ATP7A: variants seen among roughly 807,000 people sequenced by gnomAD.
The protein encoded by ATP7A is copper-transporting ATPase 1.
Under a neutral mutation model 83.5 loss-of-function variants are expected in ATP7A, and 7 were observed. The ratio of observed to expected loss-of-function variants is 0.08; its 90% CI spans 0.05 to 0.16. The LOEUF is 0.16. Among genes scored for constraint, ATP7A ranks in the 10% least tolerant of loss-of-function variants. The pLI, the probability that ATP7A is intolerant of heterozygous loss-of-function variation, is 1.00. For missense variants in ATP7A, 940 were observed against 1,120.8 expected (o/e 0.84, Z 2.30); for synonymous variants, 354 against 395.2 (o/e 0.90, Z 1.24).
rs2077826335 is a variant in ATP7A, at chrX:78,011,595, C to T, written c.2093C>T (p.Ser698Phe). ...SKEEMINLHSSMFLERQILPG... is the reference protein window; with the variant it reads ...SKEEMINLHSFMFLERQILPG... ...GAAGAAATGATCAACCTTCATTCTTCTATGTTCCTGGAGCGCCAGATTCTT... is the reference window on the plus strand; with the variant it reads ...GAAGAAATGATCAACCTTCATTCTTTTATGTTCCTGGAGCGCCAGATTCTT... The change falls in exon 9 of 23, where the codon TCT (serine) becomes TTT (phenylalanine). Residue 698 changes from serine to phenylalanine, a missense_variant. Ser to Phe is a radical substitution (Grantham distance 155, BLOSUM62 -2). Coordinates refer to ENST00000341514, the MANE Select transcript of ATP7A (RefSeq NM_000052.7). 1.7e-6 allele frequency: 2 copies of T among 1,211,320 alleles called. No homozygotes were observed. The highest frequency in any genetic ancestry group is 2.2e-6 in the Non-Finnish European group (2 of 895,390).
At chrX:77,956,797 C>CTTTCTTTCTCTTTCTTTCT (rs2077447467) in intron 1 of ATP7A, among the ~76,000 whole-genome samples, 2 of 82,689 alleles carry the variant, frequency 2.4e-5, no homozygotes, top group East Asian at 7.6e-4. Flanking sequence ...CTCTTTCTTT[C>CTTTCTTTCTCTTTCTTTCT]TTTTTTTTTT....
In ATP7A at chrX:77,989,606, A is replaced by G. The variant is rs2077657952; in HGVS notation, c.984A>G (p.Pro328=). The G allele has an allele frequency of 3.3e-6, 4 of 1,210,160 alleles. No homozygotes were observed. The Admixed American group carries it at 8.8e-5, about 26-fold the overall frequency. The change falls in exon 4 of 23, where the codon CCA becomes CCG. Residue 328 remains proline, a synonymous_variant. Coordinates refer to ENST00000341514, the MANE Select transcript of ATP7A (RefSeq NM_000052.7). ...IVKYNASSVT[P]ESLRKAIEAV... ...AGTATAATGCAAGCTCAGTCACTCCAGAATCCCTGAGAAAAGCAATAGAGG... is the reference window on the plus strand; with the variant it reads ...AGTATAATGCAAGCTCAGTCACTCCGGAATCCCTGAGAAAAGCAATAGAGG...
intron 2 of ATP7A, among the ~76,000 whole-genome samples, chrX:77,984,018 C>T (rs1345497867): frequency 9.0e-6 from 1 of 111,708 alleles, no homozygotes; most frequent in Non-Finnish European, 1.9e-5. Flanking sequence ...AAAATAGTTC[C>T]TCTGAAAATA....
At chrX:78,015,608 A>T (rs1242958980) in intron 11 of ATP7A, 146 bp from the exon 12 acceptor site, 12 of 730,539 alleles carry the variant, frequency 1.6e-5, no homozygotes, top group Non-Finnish European at 2.5e-5. Flanking sequence ...AGACTGACAT[A>T]CTAGTTCCTA....
intron 17 of ATP7A, among the ~76,000 whole-genome samples, chrX:78,038,051 C>G (rs782183000): frequency 2.7e-5 from 2 of 73,156 alleles, no homozygotes; most frequent in African/African-American, 1.2e-4. Flanking sequence ...CAGGAGTGGG[C>G]GGGGAGAATT....
chrX:77,974,658 G>T (rs1557230065), intron 2 of ATP7A: 1 of 289,086 alleles, frequency 3.5e-6, no homozygotes, highest in Non-Finnish European at 6.0e-6. Flanking sequence ...TTTGCTGAGG[G>T]TTTTTTTAAA....
chrX:78,039,129 T>A, intron 18 of ATP7A, 147 bp downstream of exon 18: 1 of 643,655 alleles, frequency 1.6e-6, no homozygotes, highest in Non-Finnish European at 2.3e-6. Context: ...TGATTATTAC[T>A]GATTAATTTA....
intron 2 of ATP7A, among the ~76,000 whole-genome samples, chrX:77,980,833 T>A (rs1603380175): frequency 9.0e-6 from 1 of 111,269 alleles, no homozygotes; most frequent in Non-Finnish European, 1.9e-5. Flanking sequence ...CATGCCTGGC[T>A]AATTTTTGTA....
chrX:77,938,106 C>T (rs1569548947), intron 1 of ATP7A, among the ~76,000 whole-genome samples: 1 of 111,553 alleles, frequency 9.0e-6, no homozygotes, highest in Non-Finnish European at 1.9e-5. Flanking sequence ...ACTAATATGT[C>T]ACATGAAAAG....
intron 5 of ATP7A, among the ~76,000 whole-genome samples, chrX:78,001,208 G>A (rs1202936071): frequency 9.0e-6 from 1 of 110,999 alleles, no homozygotes; most frequent in African/African-American, 3.3e-5. Flanking sequence ...CACCTGAATT[G>A]TTTGATACCA....
chrX:77,968,333 C>T (rs1363743148), intron 1 of ATP7A, among the ~76,000 whole-genome samples: 11 of 112,100 alleles, frequency 9.8e-5, no homozygotes, highest in Non-Finnish European at 1.5e-4. Context: ...GTAAATATAA[C>T]ACATAACGAA....
chrX:77,910,915 T>C (rs1482527980), intron 1 of ATP7A, 80 bp downstream of exon 1: 1 of 111,949 alleles, frequency 8.9e-6, no homozygotes, highest in African/African-American at 3.3e-5. Flanking sequence ...ACGAGTGTGG[T>C]GAGAAGGTCA....
Position 77,956,726 on chromosome X carries a change from C to CCTTCCTTTCTTTCTTT in ATP7A, c.-21-14892_-21-14891insCCTTTCTTTCTTTCTT, listed in dbSNP as rs1557227392. Among the ~76,000 whole-genome samples, 13 of 73,777 alleles carry CCTTCCTTTCTTTCTTT rather than the reference C, an allele frequency of 1.8e-4. No homozygotes were observed. In the South Asian group the frequency reaches 2.3e-3, roughly 13 times the overall value. The allele number at this position is 73,777 out of a possible 115,157, so 64.1% of individuals were successfully genotyped here. ...TTTTTCTTTATCAATTACCCAGTCT[C>CCTTCCTTTCTTTCTTT]CTTTCTTTCTTTCTTTCTTTCTTTC... On this transcript the variant is annotated intron_variant, in intron 1 of 22. Coordinates refer to ENST00000341514, the MANE Select transcript of ATP7A (RefSeq NM_000052.7).
intron 14 of ATP7A, among the ~76,000 whole-genome samples, chrX:78,025,889 T>G (rs1345999267): frequency 9.1e-6 from 1 of 110,018 alleles, no homozygotes; most frequent in Non-Finnish European, 1.9e-5. Context: ...AAGCAAACAG[T>G]AAGGAAATTC....
chrX:77,993,584 C>G (rs782325043), intron 4 of ATP7A, among the ~76,000 whole-genome samples: 1 of 111,524 alleles, frequency 9.0e-6, no homozygotes, highest in African/African-American at 3.3e-5. Context: ...AACAACATTT[C>G]GATCAACAAT....
At chrX:78,011,420 T>C (rs1159876938) in intron 8 of ATP7A, 29 bp from the exon 9 acceptor site, 1 of 1,172,502 alleles carries the variant, frequency 8.5e-7, no homozygotes. Flanking sequence ...ATGACCATGA[T>C]TTTTCTTTTT....
chrX:77,988,693 G>A lies in ATP7A; in HGVS notation c.572G>A (p.Gly191Glu). The change falls in exon 3 of 23, where the codon GGA becomes GAA. Residue 191 changes from glycine to glutamate, a missense_variant. This residue lies in a region of ATP7A where 350 missense variants were observed against 432.8 expected (regional missense o/e 0.81). Coordinates refer to ENST00000341514, the MANE Select transcript of ATP7A (RefSeq NM_000052.7). Reference sequence around the variant, plus strand: ...CATTCATGTACTAGCACTATTGAAGGAAAAATTGGGAAACTGCAAGGTGTT... The same window carrying A: ...CATTCATGTACTAGCACTATTGAAGAAAAAATTGGGAAACTGCAAGGTGTT... ...TCHSCTSTIE[G>E]KIGKLQGVQR... 4.1e-6 allele frequency: 5 copies of A among 1,210,868 alleles called. No homozygotes were observed. The highest frequency in any genetic ancestry group is 5.6e-6 in the Non-Finnish European group (5 of 895,133).
intron 22 of ATP7A, 72 bp from the exon 23 acceptor site, chrX:78,046,222 C>T: frequency 1.8e-6 from 2 of 1,127,620 alleles, no homozygotes; most frequent in South Asian, 3.6e-5. Context: ...AATCTTCTTT[C>T]TTTTCTGCAT....
intron 1 of ATP7A, among the ~76,000 whole-genome samples, chrX:77,938,428 A>G (rs2077332508): frequency 8.9e-6 from 1 of 112,815 alleles, no homozygotes; most frequent in Non-Finnish European, 1.9e-5. Context: ...AGATATTAAC[A>G]TAAATTTTCA....
Sources: allele counts gnomAD v4.1 joint callset (sites outside exome capture counted in the v4.1 genomes callset), GRCh38; gene constraint gnomAD v4.1.1; regional missense constraint gnomAD v4.1.1; transcripts MANE v1.5; gene names NCBI Gene and HGNC (gene_info 2026-07-23, HGNC 2026-07-21).